VPS53: variants seen among roughly 807,000 people sequenced by gnomAD.
The protein encoded by VPS53 is vacuolar protein sorting-associated protein 53 homolog.
In VPS53, 70 loss-of-function variants were observed where a neutral mutation model predicts 107.0. The observed-to-expected ratio is 0.65, with a 90% confidence interval of 0.54 to 0.80. VPS53 has a LOEUF of 0.80. Among genes scored for constraint, VPS53 ranks in the 30% least tolerant of loss-of-function variants. The pLI, the probability that VPS53 is intolerant of heterozygous loss-of-function variation, is 0.00. For missense variants in VPS53, 917 were observed against 1,049.4 expected, an observed-to-expected ratio of 0.87 and a Z score of 1.74; for synonymous variants, 409 against 393.3, an observed-to-expected ratio of 1.04 and a Z score of -0.47.
chr17:633,653 T>C (rs533001265), intron 7 of VPS53, among the ~76,000 whole-genome samples: 1 of 151,966 alleles, frequency 6.6e-6, no homozygotes, highest in Non-Finnish European at 1.5e-5. Context: ...CTCTTAGAGG[T>C]GGGTTTGTAG....
intron 7 of VPS53, among the ~76,000 whole-genome samples, chr17:636,022 T>C (rs1466981117): frequency 3.9e-5 from 6 of 152,218 alleles, no homozygotes; most frequent in South Asian, 2.1e-4. Context: ...GTTCTTCCTA[T>C]CCATGAGCAT....
intron 4 of VPS53, among the ~76,000 whole-genome samples, chr17:691,606 C>T (rs906631451): frequency 6.6e-6 from 1 of 152,178 alleles, no homozygotes; most frequent in Admixed American, 6.5e-5. Flanking sequence ...ATTCCAGAAA[C>T]AGACAATTAG....
At position 653,483 on chromosome 17, in the gene VPS53, C is replaced by A. The variant is rs576757176; in HGVS notation, c.489-73G>T. 1.0e-5 allele frequency: 16 copies of A among 1,599,684 alleles called. No individual in the cohort carries two copies. The South Asian group carries it at 1.3e-4, about 13-fold the overall frequency. ...CAAGATACAGACACAGAACAACCCA[C>A]GCTAGCTCTCAAACAGATATCAACT... On this transcript the variant is annotated intron_variant, in intron 6 of 21. Transcript: ENST00000437048.
In VPS53 at chr17:518,995, TAAC is replaced by T. The variant is rs1316514783; in HGVS notation, c.*130_*132del. The T allele has an allele frequency of 2.0e-6, 2 of 1,014,344 alleles. No individual in the cohort carries two copies. Among genetic ancestry groups the T allele is most frequent in the Non-Finnish European group, 2.8e-6 (2 of 719,308 alleles). 62.8% of individuals were successfully genotyped at this position (1,014,344 alleles called of 1,614,324 possible). On this transcript the variant is annotated 3_prime_UTR_variant, in exon 22 of 22. Coordinates refer to ENST00000437048, the MANE Select transcript of VPS53 (RefSeq NM_001128159.3). ...AAGACAGGGCATGGGAGAGACTCAG[TAAC>T]AACCCACATGTCCCAGGAAGTTTGA...
intron 11 of VPS53, among the ~76,000 whole-genome samples, chr17:613,694 G>C (rs1280223483): frequency 6.7e-6 from 1 of 149,838 alleles, no homozygotes; most frequent in Non-Finnish European, 1.5e-5. Flanking sequence ...GTGAAAACCT[G>C]TACAAATATT....
intron 7 of VPS53, among the ~76,000 whole-genome samples, chr17:639,468 G>C (rs889810728): frequency 6.6e-6 from 1 of 152,162 alleles, no homozygotes; most frequent in African/African-American, 2.4e-5. Context: ...GAGGTGCTTT[G>C]TTCCTTTGGA....
intron 2 of VPS53, among the ~76,000 whole-genome samples, chr17:706,697 G>C (rs1973415698): frequency 6.6e-6 from 1 of 152,148 alleles, no homozygotes; most frequent in African/African-American, 2.4e-5. Context: ...TATAAAGCTA[G>C]GTAGAGTGGG....
At chr17:590,727 C>A (rs1438767857) in intron 12 of VPS53, among the ~76,000 whole-genome samples, 5 of 147,012 alleles carry the variant, frequency 3.4e-5, no homozygotes, top group Non-Finnish European at 7.6e-5. Context: ...AGGGATGAAG[C>A]CCACTTGATC....
At chr17:662,766 A>AAAGAAAGAAAGAAAGAAAGAAAGAAAGG (rs1227502520) in intron 4 of VPS53, among the ~76,000 whole-genome samples, 2 of 144,784 alleles carry the variant, frequency 1.4e-5, no homozygotes, top group East Asian at 5.0e-4. Flanking sequence ...AGAAAGAAAG[A>AAAGAAAGAAAGAAAGAAAGAAAGAAAGG]AAGAAAGAGA....
chr17:620,192 A>C (rs1969409083), intron 11 of VPS53, among the ~76,000 whole-genome samples: 1 of 152,242 alleles, frequency 6.6e-6, no homozygotes, highest in Non-Finnish European at 1.5e-5. Context: ...GAGTGAGCCC[A>C]AGTAGGCAGG....
intron 11 of VPS53, among the ~76,000 whole-genome samples, chr17:617,457 AGTGGTG>A: frequency 6.6e-6 from 1 of 152,244 alleles, no homozygotes; most frequent in Non-Finnish European, 1.5e-5. Flanking sequence ...ACTGGAGTGC[AGTGGTG>A]CAATCTCAGT....
intron 13 of VPS53, among the ~76,000 whole-genome samples, chr17:571,647 A>G (rs945048182): frequency 3.9e-5 from 6 of 152,076 alleles, no homozygotes; most frequent in Non-Finnish European, 4.4e-5. Flanking sequence ...TCCCTGCCTG[A>G]TTCTCCTGCC....
rs1190931771 is a variant in VPS53 at position 662,789 on chromosome 17, A to AG, written c.286-895_286-894insC. ...AGAAAGAAAGAGAAAGAAAGAAAAA[A>AG]AGAAAGAGAAAGAAAGAAAAAAAGA... On this transcript the variant is annotated intron_variant, in intron 4 of 21. Coordinates refer to ENST00000437048, the MANE Select transcript of VPS53 (RefSeq NM_001128159.3). Among the ~76,000 whole-genome samples the AG allele has an allele frequency of 6.5e-4, 96 of 147,596 alleles. 3 individuals are homozygous for AG. In the East Asian group the frequency reaches 9.7e-3, roughly 15 times the overall value.
chr17:665,340 C>T (rs772415485), intron 4 of VPS53, among the ~76,000 whole-genome samples: 9 of 152,200 alleles, frequency 5.9e-5, no homozygotes, highest in South Asian at 2.1e-4. Flanking sequence ...CGGGAAGATG[C>T]GGTAAGAAGC....
chr17:679,993 C>A (rs764667270), intron 4 of VPS53, among the ~76,000 whole-genome samples: 3 of 151,810 alleles, frequency 2.0e-5, no homozygotes, highest in Non-Finnish European at 2.9e-5. Context: ...ACTAAAAATA[C>A]AAAAATTTAG....
At chr17:585,813 T>C (rs553007176) in intron 13 of VPS53, among the ~76,000 whole-genome samples, 1 of 152,358 alleles carries the variant, frequency 6.6e-6, no homozygotes, top group Non-Finnish European at 1.5e-5. Flanking sequence ...CTGGTTGTTA[T>C]GTAAGATGTT....
intron 15 of VPS53, among the ~76,000 whole-genome samples, chr17:554,144 GC>G (rs1377522298): frequency 6.6e-5 from 10 of 152,192 alleles, no homozygotes; most frequent in Admixed American, 1.3e-4. Context: ...GTGTTGAGTA[GC>G]AGTAAAACCA....
intron 17 of VPS53, among the ~76,000 whole-genome samples, chr17:543,971 AAGGGAGGAACGGAGAGAGGGAGGAAGGG>A: frequency 9.4e-6 from 1 of 106,124 alleles, no homozygotes; most frequent in Non-Finnish European, 1.8e-5. Context: ...GAGTGGGAGG[AAGGGAGGAACGGAGAGAGGGAGGAAGGG>A]AGGGAGGGAG....
chr17:623,417 T>C (rs149660467), intron 11 of VPS53, 116 bp downstream of exon 11: 56 of 1,253,706 alleles, frequency 4.5e-5, no homozygotes, highest in Admixed American at 1.2e-4. Context: ...GTGAAATCAC[T>C]GCAATGAGGG....
Sources: gnomAD v4.1 joint callset for allele counts (sites outside exome capture counted in the v4.1 genomes callset) on GRCh38, gnomAD v4.1.1 for gene constraint, MANE v1.5 for transcripts, NCBI Gene and HGNC (gene_info 2026-07-23, HGNC 2026-07-21) for gene names.